The following FICD variants were observed in gnomAD, a reference collection of about 807,000 sequenced individuals.
FICD encodes the protein FIC domain protein adenylyltransferase.
FICD carries 13 observed loss-of-function variants against 28.0 expected under a neutral mutation model. The ratio of observed to expected loss-of-function variants is 0.46; its 90% confidence interval spans 0.30 to 0.74. The LOEUF is 0.74. Among genes scored for constraint, FICD ranks in the 30% least tolerant of loss-of-function variants. The pLI is 0.07. For missense variants in FICD, 576 were observed against 624.5 expected (o/e 0.92, Z 0.83); for synonymous variants, 268 against 266.4 (o/e 1.01, Z -0.06).
chr12:108,515,822 T>A (rs1441475654), intron 1 of FICD, among the ~76,000 whole-genome samples: 1 of 152,102 alleles, frequency 6.6e-6, no homozygotes, highest in African/African-American at 2.4e-5. Context: ...AGGCCCTGCT[T>A]AGTAATAAGG....
intron 1 of FICD, among the ~76,000 whole-genome samples, chr12:108,516,427 C>T (rs1871912208): frequency 6.6e-6 from 1 of 152,214 alleles, no homozygotes. Context: ...CATATGTCCA[C>T]AAATCCAGTG....
Position 108,520,087 on chromosome 12 carries a change from G to GTGT in FICD, c.*613_*614insGTT, listed in dbSNP as rs1555203676. On this transcript the variant is annotated 3_prime_UTR_variant, in exon 3 of 3. Transcript: ENST00000552695. Reference sequence around the variant, plus strand: ...TTTGCAAACTTTAGTGCCAGCAGCTGTTTTTTTTTTTTTTTTTTTCATATT... The same window carrying GTGT: ...TTTGCAAACTTTAGTGCCAGCAGCTGTGTTTTTTTTTTTTTTTTTTTTCATATT... 5.3e-5 allele frequency: 6 copies of GTGT among 114,164 alleles called. No homozygotes were observed. Among genetic ancestry groups the GTGT allele is most frequent in the African/African-American group, 2.1e-4 (6 of 29,076 alleles). The allele number at this position is 114,164 out of a possible 1,614,324, so 7.1% of individuals were successfully genotyped here.
chr12:108,519,126 C>A lies in FICD; in HGVS notation c.1028C>A (p.Ala343Asp). ...EFVQWLNSEE[A>D]MNLHPVEFAA... Reference sequence around the variant, plus strand: ...GTACAGTGGCTCAACTCCGAGGAAGCCATGAACCTGCACCCAGTGGAGTTT... The same window carrying A: ...GTACAGTGGCTCAACTCCGAGGAAGACATGAACCTGCACCCAGTGGAGTTT... Residue 343 changes from alanine to aspartate, a missense_variant, in exon 3 of 3, where the codon GCC (alanine) becomes GAC (aspartate). Coordinates refer to ENST00000552695, the MANE Select transcript of FICD (RefSeq NM_007076.3). This position sits in a 1 kb window ranked among gnomAD's most constrained non-coding sequence, Gnocchi z 4.5. The A allele has an allele frequency of 6.2e-7, 1 of 1,614,228 alleles. No homozygotes were observed. Among genetic ancestry groups the A allele is most frequent in the African/African-American group, 1.3e-5 (1 of 75,064 alleles).
rs1593228151 is a variant in FICD, at chr12:108,520,368, T to C, written c.*893T>C. On this transcript the variant is annotated 3_prime_UTR_variant, in exon 3 of 3. Transcript: ENST00000552695. ...TCTGCCTGAGTTTTCTGTAGGCAGATGTTAACCTGAGAAAACAAGTGCCAT... is the reference window on the plus strand; with the variant it reads ...TCTGCCTGAGTTTTCTGTAGGCAGACGTTAACCTGAGAAAACAAGTGCCAT... 1 of 152,164 alleles carries C rather than the reference T, an allele frequency of 6.6e-6. No homozygotes were observed. Among genetic ancestry groups the C allele is most frequent in the African/African-American group, 2.4e-5 (1 of 41,430 alleles). The allele number at this position is 152,164 out of a possible 1,614,324, so 9.4% of individuals were successfully genotyped here.
At chr12:108,516,767 C>T (rs1871919952) in intron 1 of FICD, 148 bp from the exon 2 acceptor site, 2 of 424,258 alleles carry the variant, frequency 4.7e-6, no homozygotes, top group Non-Finnish European at 8.3e-6. Context: ...GCTGGCCCCT[C>T]CTCTAGTGAG....
Position 108,518,124 on chromosome 12 carries a change from C to T in FICD, c.302-276C>T, listed in dbSNP as rs1324002059. 1.4e-6 allele frequency: 1 copy of T among 702,172 alleles called. No individual in the cohort carries two copies. Among genetic ancestry groups the T allele is most frequent in the East Asian group, 2.7e-5 (1 of 37,308 alleles). The allele number at this position is 702,172 out of a possible 1,614,324, so 43.5% of individuals were successfully genotyped here. On this transcript the variant is annotated intron_variant, in intron 2 of 2. Transcript: ENST00000552695. The surrounding 1 kb of genome is among the most constrained non-coding windows in gnomAD (Gnocchi z 4.4). ...CCTAGAACTTTCTATGTCCAGAAAG[C>T]AGGAGGCTAGGAAGCCAAGGAGGTG... is the stretch of plus-strand genomic sequence containing the variant.
rs935745886 is a variant in FICD, at chr12:108,519,320, G to A, written c.1222G>A (p.Glu408Lys). ...CTACCACGTGTTGGAAGCTGCCAACGAGGGCGACGTGAGGCCTTTCATTCG... is the reference window on the plus strand; with the variant it reads ...CTACCACGTGTTGGAAGCTGCCAACAAGGGCGACGTGAGGCCTTTCATTCG... ...DYYHVLEAAN[E>K]GDVRPFIRFI... is the part of the protein sequence containing the mutation. Residue 408 changes from glutamate to lysine, a missense_variant, in exon 3 of 3, where the codon GAG becomes AAG. Coordinates refer to ENST00000552695, the MANE Select transcript of FICD (RefSeq NM_007076.3). This position sits in a 1 kb window ranked among gnomAD's most constrained non-coding sequence, Gnocchi z 4.5. The A allele has an allele frequency of 8.1e-6, 13 of 1,614,078 alleles. No individual in the cohort carries two copies. Among genetic ancestry groups the A allele is most frequent in the African/African-American group, 5.3e-5 (4 of 74,938 alleles).
At position 108,520,086 on chromosome 12, in the gene FICD, T is replaced by TG. The variant is rs1215962381; in HGVS notation, c.*612dup. ...GTTTGCAAACTTTAGTGCCAGCAGC[T>TG]GTTTTTTTTTTTTTTTTTTTCATAT... On this transcript the variant is annotated 3_prime_UTR_variant, in exon 3 of 3. Coordinates refer to ENST00000552695, the MANE Select transcript of FICD (RefSeq NM_007076.3). 8.0e-5 allele frequency: 8 copies of TG among 99,758 alleles called. No homozygotes were observed. The Admixed American group carries it at 8.5e-4, about 11-fold the overall frequency. 6.2% of individuals were successfully genotyped at this position (99,758 alleles called of 1,614,324 possible). A position where few individuals can be genotyped will look rare whatever the true frequency, so the allele number is the denominator to read the frequency against.
At chr12:108,517,745 GA>G (rs1373746381) in intron 2 of FICD, among the ~76,000 whole-genome samples, 1 of 152,136 alleles carries the variant, frequency 6.6e-6, no homozygotes, top group Non-Finnish European at 1.5e-5. Flanking sequence ...CTGTGGTGGG[GA>G]CTGAAAGTGC....
At position 108,519,266 on chromosome 12, in the gene FICD, A is replaced by G; in HGVS notation, c.1168A>G (p.Thr390Ala). The G allele has an allele frequency of 1.2e-6, 2 of 1,614,156 alleles. No homozygotes were observed. The highest frequency in any genetic ancestry group is 1.7e-6 in the Non-Finnish European group (2 of 1,180,032). ...ILMQAGYPPI[T>A]IRKEQRSDYY... ...CATGCAGGCGGGCTACCCGCCCATC[A>G]CCATCCGCAAGGAGCAGCGGTCCGA... The change falls in exon 3 of 3, where the codon ACC becomes GCC. Residue 390 changes from threonine (T) to alanine (A), a missense_variant. Thr to Ala is a moderately conservative substitution (Grantham distance 58). Transcript: ENST00000552695. The surrounding 1 kb of genome is among the most constrained non-coding windows in gnomAD (Gnocchi z 4.5).
At chr12:108,517,298 CA>C (rs765076922) in intron 2 of FICD, 25 bp downstream of exon 2, 14 of 1,473,848 alleles carry the variant, frequency 9.5e-6, no homozygotes, top group Non-Finnish European at 1.3e-5. Context: ...CCGTCTTCCT[CA>C]ATGCTTGTTA....
chr12:108,516,805 A>C (rs1438813727), intron 1 of FICD, 110 bp from the exon 2 acceptor site: 5 of 485,406 alleles, frequency 1.0e-5, no homozygotes, highest in Non-Finnish European at 1.7e-5. Flanking sequence ...CCCCCACCCC[A>C]TCTCTCTAGT....
In FICD at chr12:108,518,846, C is replaced by A; in HGVS notation, c.748C>A (p.Arg250Ser). The part of the protein sequence containing the change: ...LSEIRHILET[R>S]YAVPGKSLEE... ...GGAAATCAGGCACATCCTGGAGACC[C>A]GCTACGCCGTGCCCGGGAAGAGCCT... Residue 250 changes from arginine (R) to serine (S), a missense_variant, in exon 3 of 3, where the codon CGC (arginine) becomes AGC (serine). By Grantham distance (110) the Arg-to-Ser change is moderately radical. Coordinates refer to ENST00000552695, the MANE Select transcript of FICD (RefSeq NM_007076.3). This position sits in a 1 kb window ranked among gnomAD's most constrained non-coding sequence, Gnocchi z 4.4. 1 of 1,614,164 alleles carries A rather than the reference C, an allele frequency of 6.2e-7. No individual in the cohort carries two copies. Among genetic ancestry groups the A allele is most frequent in the Non-Finnish European group, 8.5e-7 (1 of 1,180,030 alleles).
chr12:108,518,715 T>C lies in FICD; in HGVS notation c.617T>C (p.Met206Thr). The change falls in exon 3 of 3, where the codon ATG (methionine) becomes ACG (threonine). Residue 206 changes from methionine (M) to threonine (T), a missense_variant. Coordinates refer to ENST00000552695, the MANE Select transcript of FICD (RefSeq NM_007076.3). The surrounding 1 kb of genome is among the most constrained non-coding windows in gnomAD (Gnocchi z 4.4). ...ATCGACAGCAAAGTGAAGAAGGTCA[T>C]GTCCATCCCCAAGGGGAACTCAGCT... ...SIIDSKVKKV[M>T]SIPKGNSALR... 1.9e-6 allele frequency: 3 copies of C among 1,614,170 alleles called. No individual in the cohort carries two copies. The highest frequency in any genetic ancestry group is 2.2e-5 in the East Asian group (1 of 44,870).
In FICD at chr12:108,517,269, T is replaced by C. The variant is rs1431489738; in HGVS notation, c.297T>C (p.Ser99=). The change falls in exon 2 of 3, where the codon TCT becomes TCC. Residue 99 remains serine, a synonymous_variant. Coordinates refer to ENST00000552695, the MANE Select transcript of FICD (RefSeq NM_007076.3). The part of the protein sequence containing the change: ...ATLLVAKTKA[S]PAGKLEARAA... Reference sequence around the variant, plus strand: ...TGCTGGTGGCCAAGACCAAGGCCTCTCCAGGTAAGACAGACTGGCCGTCTT... The same window carrying C: ...TGCTGGTGGCCAAGACCAAGGCCTCCCCAGGTAAGACAGACTGGCCGTCTT... 1.3e-6 allele frequency: 2 copies of C among 1,526,570 alleles called. No homozygotes were observed. The highest frequency in any genetic ancestry group is 1.4e-5 in the African/African-American group (1 of 73,128). 94.6% of individuals were successfully genotyped at this position (1,526,570 alleles called of 1,614,324 possible).
Position 108,518,492 on chromosome 12 carries a change from G to A in FICD, c.394G>A (p.Ala132Thr), listed in dbSNP as rs1205645638. Residue 132 changes from alanine (A) to threonine (T), a missense_variant, in exon 3 of 3, where the codon GCC becomes ACC. Coordinates refer to ENST00000552695, the MANE Select transcript of FICD (RefSeq NM_007076.3). The surrounding 1 kb of genome is among the most constrained non-coding windows in gnomAD (Gnocchi z 4.4). ...REKAQKLFMH[A>T]LKMDPDFVDA... The stretch of plus-strand genomic sequence containing the variant: ...AAAAGCCCAAAAGCTCTTCATGCAC[G>A]CCCTCAAGATGGACCCGGACTTCGT... 1.5e-5 allele frequency: 25 copies of A among 1,614,058 alleles called. No individual in the cohort carries two copies. The highest frequency in any genetic ancestry group is 6.7e-5 in the East Asian group (3 of 44,896).
In FICD at chr12:108,520,786, A is replaced by G. The variant is rs1333385944; in HGVS notation, c.*1311A>G. ...AGTGACAGAGCCCATGATGTCTAAC[A>G]CTACTGCACTTTGTCAGTGTGTGAG... On this transcript the variant is annotated 3_prime_UTR_variant, in exon 3 of 3. Transcript: ENST00000552695. The G allele has an allele frequency of 6.6e-6, 1 of 152,210 alleles. No individual in the cohort carries two copies. The highest frequency in any genetic ancestry group is 1.5e-5 in the Non-Finnish European group (1 of 68,044). The allele number at this position is 152,210 out of a possible 1,614,324, so 9.4% of individuals were successfully genotyped here.
In FICD at chr12:108,519,594, GT is replaced by G; in HGVS notation, c.*123del. 1 of 485,296 alleles carries G rather than the reference GT, an allele frequency of 2.1e-6. No individual in the cohort carries two copies. The highest frequency in any genetic ancestry group is 3.4e-6 in the Non-Finnish European group (1 of 296,634). The allele number at this position is 485,296 out of a possible 1,614,324, so 30.1% of individuals were successfully genotyped here. A position where few individuals can be genotyped will look rare whatever the true frequency, so the allele number is the denominator to read the frequency against. Reference sequence around the variant, plus strand: ...GGAGAAACATTCTTTACCTCCAAATGTTTTAGTTTTAAAAAAAAAAAAAAAC... The same window carrying G: ...GGAGAAACATTCTTTACCTCCAAATGTTTAGTTTTAAAAAAAAAAAAAAAC... On this transcript the variant is annotated 3_prime_UTR_variant, in exon 3 of 3. Coordinates refer to ENST00000552695, the MANE Select transcript of FICD (RefSeq NM_007076.3). This position sits in a 1 kb window ranked among gnomAD's most constrained non-coding sequence, Gnocchi z 4.5.
Position 108,519,228 on chromosome 12 carries a change from T to C in FICD, c.1130T>C (p.Met377Thr). 3.1e-6 allele frequency: 5 copies of C among 1,614,252 alleles called. No individual in the cohort carries two copies. Among genetic ancestry groups the C allele is most frequent in the Non-Finnish European group, 4.2e-6 (5 of 1,180,034 alleles). The change falls in exon 3 of 3, where the codon ATG (methionine) becomes ACG (threonine). Residue 377 changes from methionine to threonine, a missense_variant. Coordinates refer to ENST00000552695, the MANE Select transcript of FICD (RefSeq NM_007076.3). This position sits in a 1 kb window ranked among gnomAD's most constrained non-coding sequence, Gnocchi z 4.5. ...DGNGRTSRLL[M>T]NLILMQAGYP... is the part of the protein sequence containing the mutation. ...AACGGGAGGACCTCCCGTCTGCTCA[T>C]GAACCTCATCCTCATGCAGGCGGGC...
Sources: gnomAD v4.1 joint callset for allele counts (sites outside exome capture counted in the v4.1 genomes callset) on GRCh38, gnomAD v4.1.1 for gene constraint, Gnocchi (gnomAD v3.1) non-coding constraint, MANE v1.5 for transcripts, NCBI Gene and HGNC (gene_info 2026-07-23, HGNC 2026-07-21) for gene names.